Variants in MAP3K3 observed in about 807,000 individuals in gnomAD.
The protein encoded by MAP3K3 is MAP/ERK kinase kinase 3.
MAP3K3 carries 12 observed loss-of-function variants against 80.9 expected under a neutral mutation model. The observed-to-expected ratio is 0.15, with a 90% confidence interval of 0.10 to 0.24. MAP3K3 has a LOEUF of 0.24. MAP3K3 is among the 10% of genes least tolerant of loss of function. The pLI is 1.00. For synonymous variants in MAP3K3, 272 were observed against 307.1 expected, an observed-to-expected ratio of 0.89 and a Z score of 1.19; for missense variants, 596 against 834.7, an observed-to-expected ratio of 0.71 and a Z score of 3.52.
chr17:63,655,222 A>G (rs1382130541), intron 4 of MAP3K3, among the ~76,000 whole-genome samples: 1 of 152,060 alleles, frequency 6.6e-6, no homozygotes, highest in Non-Finnish European at 1.5e-5. Flanking sequence ...AGCCTCCTAT[A>G]AAACCATCAG....
chr17:63,641,500 C>T (rs2143257329), intron 2 of MAP3K3, among the ~76,000 whole-genome samples: 1 of 152,208 alleles, frequency 6.6e-6, no homozygotes, highest in East Asian at 1.9e-4. Flanking sequence ...CTTGACCTCC[C>T]AAAGTGCTGG....
rs536200419 is a variant in MAP3K3 at position 63,641,417 on chromosome 17, A to G, written c.127-4617A>G. 1.6e-4 allele frequency among the ~76,000 whole-genome samples: 24 copies of G among 151,942 alleles called. No individual in the cohort carries two copies. The South Asian group carries it at 2.1e-3, about 13-fold the overall frequency. On this transcript the variant is annotated intron_variant, in intron 2 of 15. Transcript: ENST00000361733. ...GCCACCACACCCGGCTAATTTTTGT[A>G]TGTTTAGTAGAGACGGGGTTTCACC... is the stretch of plus-strand genomic sequence containing the variant.
intron 2 of MAP3K3, among the ~76,000 whole-genome samples, chr17:63,642,082 T>A (rs1199840302): frequency 6.6e-6 from 1 of 152,158 alleles, no homozygotes; most frequent in Non-Finnish European, 1.5e-5. Flanking sequence ...ATGGGTGAAA[T>A]TCAGATTTAG....
chr17:63,650,684 GAGAGAGAGAGAGT>G (rs1417783146), intron 3 of MAP3K3, among the ~76,000 whole-genome samples: 50 of 148,220 alleles, frequency 3.4e-4, no homozygotes, highest in African/African-American at 1.2e-3. Context: ...GAGAGAGAGA[GAGAGAGAGAGAGT>G]TTTTTTTTTT....
chr17:63,689,152 C>T lies in MAP3K3; in HGVS notation c.871+271C>T. On this transcript the variant is annotated intron_variant, in intron 10 of 15. Transcript: ENST00000361733. This position sits in a 1 kb window ranked among gnomAD's most constrained non-coding sequence, Gnocchi z 4.3. ...CATCTCTCCCATGTCCTCTTCTGCC[C>T]CACAGCAGCAGGTGGCCTGGGCCCT... 1 of 566,548 alleles carries T rather than the reference C, an allele frequency of 1.8e-6. No homozygotes were observed. 35.1% of individuals were successfully genotyped at this position (566,548 alleles called of 1,614,324 possible). A position where few individuals can be genotyped will look rare whatever the true frequency, so the allele number is the denominator to read the frequency against.
chr17:63,624,087 G>A (rs2034051318), intron 1 of MAP3K3, among the ~76,000 whole-genome samples: 1 of 152,192 alleles, frequency 6.6e-6, no homozygotes, highest in Admixed American at 6.5e-5. Flanking sequence ...TCCTTCAGAA[G>A]TGCGTGCTCT....
intron 6 of MAP3K3, among the ~76,000 whole-genome samples, chr17:63,673,738 C>T (rs1238185003): frequency 1.3e-5 from 2 of 152,062 alleles, no homozygotes; most frequent in African/African-American, 4.8e-5. Flanking sequence ...TGGTGAAACC[C>T]TGTCTGTACT....
In MAP3K3 at chr17:63,657,854, A is replaced by C. The variant is rs1366117704; in HGVS notation, c.328A>C (p.Ser110Arg). ...LDKAIDILDR[S>R]SSMKSLRILL... ...TAAAGCAATTGACATTTTAGATAGA[A>C]GCTCAAGCATGAAAAGCCTTAGGAT... is the stretch of plus-strand genomic sequence containing the variant. The change falls in exon 5 of 16, where the codon AGC (serine) becomes CGC (arginine). Residue 110 changes from serine (S) to arginine (R), a missense_variant. Physicochemically the swap from Ser to Arg is moderately radical, Grantham distance 110 (BLOSUM62 -1). Coordinates refer to ENST00000361733, the MANE Select transcript of MAP3K3 (RefSeq NM_002401.5). 1 of 1,609,606 alleles carries C rather than the reference A, an allele frequency of 6.2e-7. No individual in the cohort carries two copies. The highest frequency in any genetic ancestry group is 8.5e-7 in the Non-Finnish European group (1 of 1,177,196).
At chr17:63,668,589 C>A (rs1172476005) in intron 6 of MAP3K3, among the ~76,000 whole-genome samples, 1 of 152,134 alleles carries the variant, frequency 6.6e-6, no homozygotes, top group Non-Finnish European at 1.5e-5. Context: ...ATTGATGGGG[C>A]AGTAACTGGG....
chr17:63,629,578 C>T (rs1322486278), intron 1 of MAP3K3, among the ~76,000 whole-genome samples: 1 of 137,998 alleles, frequency 7.2e-6, no homozygotes, highest in African/African-American at 2.8e-5. Flanking sequence ...GGAAAAAAAA[C>T]AAAAACAAAA....
At position 63,691,320 on chromosome 17, in the gene MAP3K3, A is replaced by T. The variant is rs1466098662; in HGVS notation, c.1344+87A>T. 8.8e-6 allele frequency: 14 copies of T among 1,583,180 alleles called. No individual in the cohort carries two copies. The highest frequency in any genetic ancestry group is 2.7e-5 in the African/African-American group (2 of 74,090). Reference sequence around the variant, plus strand: ...GCCTGCAGGAGGGGGGTCACCTTGGATAGGAGTTTGAACACCTGAGGCTCC... The same window carrying T: ...GCCTGCAGGAGGGGGGTCACCTTGGTTAGGAGTTTGAACACCTGAGGCTCC... On this transcript the variant is annotated intron_variant, in intron 13 of 15. Transcript: ENST00000361733. This position sits in a 1 kb window ranked among gnomAD's most constrained non-coding sequence, Gnocchi z 4.8.
At chr17:63,681,556 G>T (rs1429823860) in intron 6 of MAP3K3, among the ~76,000 whole-genome samples, 1 of 152,200 alleles carries the variant, frequency 6.6e-6, no homozygotes, top group African/African-American at 2.4e-5. Flanking sequence ...GGTCGGATAT[G>T]CCGTAGTGCC....
intron 5 of MAP3K3, among the ~76,000 whole-genome samples, chr17:63,661,661 T>C (rs568453312): frequency 1.3e-5 from 2 of 152,224 alleles, no homozygotes; most frequent in Non-Finnish European, 2.9e-5. Context: ...AAAATAAGCT[T>C]CTAATCTTCT....
intron 3 of MAP3K3, among the ~76,000 whole-genome samples, chr17:63,651,146 C>T (rs1417337474): frequency 6.6e-6 from 1 of 152,002 alleles, no homozygotes; most frequent in Non-Finnish European, 1.5e-5. Flanking sequence ...CAAAAATGGT[C>T]GGCCATCAGT....
At chr17:63,645,782 C>T (rs1282390338) in intron 2 of MAP3K3, among the ~76,000 whole-genome samples, 7 of 145,190 alleles carry the variant, frequency 4.8e-5, no homozygotes, top group Admixed American at 4.8e-4. Flanking sequence ...CAGCATGTCA[C>T]AGCATAGCAA....
chr17:63,636,370 A>G (rs1397091077), intron 2 of MAP3K3, among the ~76,000 whole-genome samples: 1 of 152,072 alleles, frequency 6.6e-6, no homozygotes, highest in Non-Finnish European at 1.5e-5. Flanking sequence ...CATTTGCTGT[A>G]TTCTCCCTTT....
chr17:63,691,011 G>C lies in MAP3K3; in HGVS notation c.1213-91G>C. On this transcript the variant is annotated intron_variant, in intron 12 of 15. Coordinates refer to ENST00000361733, the MANE Select transcript of MAP3K3 (RefSeq NM_002401.5). The surrounding 1 kb of genome is among the most constrained non-coding windows in gnomAD (Gnocchi z 4.8). Reference sequence around the variant, plus strand: ...ACTGCAGTTCCCAAGGCAGATCCCTGTGAGGCCACTAACTAGGGCAAGCTG... The same window carrying C: ...ACTGCAGTTCCCAAGGCAGATCCCTCTGAGGCCACTAACTAGGGCAAGCTG... 2 of 1,511,298 alleles carry C rather than the reference G, an allele frequency of 1.3e-6. No individual in the cohort carries two copies. Among genetic ancestry groups the C allele is most frequent in the Non-Finnish European group, 1.8e-6 (2 of 1,101,364 alleles). 93.6% of individuals were successfully genotyped at this position (1,511,298 alleles called of 1,614,324 possible).
At chr17:63,676,347 G>A in intron 6 of MAP3K3, among the ~76,000 whole-genome samples, 1 of 152,216 alleles carries the variant, frequency 6.6e-6, no homozygotes. Context: ...AGCTGATGAA[G>A]GAGGGGACAG....
chr17:63,652,879 T>G (rs985474565), intron 4 of MAP3K3, among the ~76,000 whole-genome samples: 1 of 152,200 alleles, frequency 6.6e-6, no homozygotes, highest in Non-Finnish European at 1.5e-5. Context: ...ACTCATTCAG[T>G]GCAGATAGCT....
Sources: allele counts gnomAD v4.1 joint callset (sites outside exome capture counted in the v4.1 genomes callset), GRCh38; gene constraint gnomAD v4.1.1; non-coding constraint Gnocchi (gnomAD v3.1); transcripts MANE v1.5; gene names NCBI Gene and HGNC (gene_info 2026-07-23, HGNC 2026-07-21).